The following GAPT variants were observed in gnomAD, a reference collection of about 807,000 sequenced individuals.
The protein encoded by GAPT is GRB2 binding adaptor protein, transmembrane.
For missense variants in GAPT, 206 were observed against 189.2 expected (o/e 1.09, Z -0.52); for synonymous variants, 82 against 69.7 (o/e 1.18, Z -0.88).
Position 58,494,580 on chromosome 5 carries a change from G to A in GAPT, c.44G>A (p.Gly15Glu), listed in dbSNP as rs749970028. 6.2e-5 allele frequency: 100 copies of A among 1,612,866 alleles called. No homozygotes were observed. Among genetic ancestry groups the A allele is most frequent in the Non-Finnish European group, 8.2e-5 (97 of 1,179,448 alleles). ...AATAATTTAGCGGCCATTTCTGTAG[G>A]AATTTCGCTTCTTTTACTCTTAGTG... is the stretch of plus-strand genomic sequence containing the variant. ...CGNNLAAISV[G>E]ISLLLLLVVC... The change falls in exon 3 of 3, where the codon GGA (glycine) becomes GAA (glutamate). Residue 15 changes from glycine to glutamate, a missense_variant. Physicochemically the swap from Gly to Glu is moderately conservative, Grantham distance 98. Transcript: ENST00000502276.
chr5:58,496,202 C>G lies in GAPT; in HGVS notation c.*1192C>G, dbSNP rs944769996. ...ATTACCTAGCTTCATATGAAAATGT[C>G]TTAAATTCCCACCTAAATGAAAAGA... On this transcript the variant is annotated 3_prime_UTR_variant, in exon 3 of 3. Coordinates refer to ENST00000502276, the MANE Select transcript of GAPT (RefSeq NM_001304431.2). The G allele has an allele frequency of 4.3e-5, 7 of 164,064 alleles. No individual in the cohort carries two copies. Among genetic ancestry groups the G allele is most frequent in the African/African-American group, 1.7e-4 (7 of 41,426 alleles). 10.2% of individuals were successfully genotyped at this position (164,064 alleles called of 1,614,324 possible). A position where few individuals can be genotyped will look rare whatever the true frequency, so the allele number is the denominator to read the frequency against.
In GAPT at chr5:58,494,469, A is replaced by T; in HGVS notation, c.-68A>T. 1 of 1,298,478 alleles carries T rather than the reference A, an allele frequency of 7.7e-7. No homozygotes were observed. The highest frequency in any genetic ancestry group is 1.5e-5 in the African/African-American group (1 of 67,372). The allele number at this position is 1,298,478 out of a possible 1,614,324, so 80.4% of individuals were successfully genotyped here. ...ACTCATTTTTGAATAATACTAGGCT[A>T]CAAAGAATTACACTGTGAATTCATT... On this transcript the variant is annotated 5_prime_UTR_variant, in exon 3 of 3. Coordinates refer to ENST00000502276, the MANE Select transcript of GAPT (RefSeq NM_001304431.2).
At position 58,494,935 on chromosome 5, in the gene GAPT, T is replaced by G. The variant is rs1744399695; in HGVS notation, c.399T>G (p.Tyr133Ter). 4.3e-6 allele frequency: 7 copies of G among 1,613,964 alleles called. No homozygotes were observed. The highest frequency in any genetic ancestry group is 5.1e-6 in the Non-Finnish European group (6 of 1,179,870). Residue 133 changes from tyrosine (Y) to a stop codon, truncating the protein, a stop_gained, in exon 3 of 3, where the codon TAT becomes TAG. Transcript: ENST00000502276. LOFTEE classifies it high-confidence loss of function. ...HIYGNETSSDYYNFQKPRPSE... is the reference protein window; with the variant it reads ...HIYGNETSSD Reference sequence around the variant, plus strand: ...ATGGAAATGAGACATCTTCTGACTATTATAACTTCCAGAAGCCTCGTCCTT... The same window carrying G: ...ATGGAAATGAGACATCTTCTGACTAGTATAACTTCCAGAAGCCTCGTCCTT...
chr5:58,494,985 T>C lies in GAPT; in HGVS notation c.449T>C (p.Ile150Thr), dbSNP rs113958678. 20 of 1,601,834 alleles carry C rather than the reference T, an allele frequency of 1.2e-5. No individual in the cohort carries two copies. The highest frequency in any genetic ancestry group is 4.4e-5 in the South Asian group (4 of 90,496). The stretch of plus-strand genomic sequence containing the variant: ...TCTGAAGTTCCTCAAGATGAAGATA[T>C]ATACATTCTTCCAGATTCATATTAG... ...RPSEVPQDED[I>T]YILPDSY The change falls in exon 3 of 3, where the codon ATA becomes ACA. Residue 150 changes from isoleucine (I) to threonine (T), a missense_variant. Physicochemically the swap from Ile to Thr is moderately conservative, Grantham distance 89. Transcript: ENST00000502276.
At chr5:58,493,621 G>A (rs1021187527) in intron 1 of GAPT, 90 bp from the exon 2 acceptor site, 3 of 152,086 alleles carry the variant, frequency 2.0e-5, no homozygotes, top group African/African-American at 7.2e-5. Flanking sequence ...TGTGCTAGGT[G>A]TTGTGCCATT....
rs577535018 is a variant in GAPT at position 58,495,143 on chromosome 5, T to C, written c.*133T>C. 1.6e-6 allele frequency: 1 copy of C among 608,986 alleles called. No homozygotes were observed. Among genetic ancestry groups the C allele is most frequent in the Non-Finnish European group, 2.9e-6 (1 of 350,260 alleles). 37.7% of individuals were successfully genotyped at this position (608,986 alleles called of 1,614,324 possible). On this transcript the variant is annotated 3_prime_UTR_variant, in exon 3 of 3. Coordinates refer to ENST00000502276, the MANE Select transcript of GAPT (RefSeq NM_001304431.2). ...AAGAAAATGTGGTACACATACACCA[T>C]AGAATATTATGCAGCCGTAAAAAAA...
rs538632921 is a variant in GAPT at position 58,495,661 on chromosome 5, A to T, written c.*651A>T. On this transcript the variant is annotated 3_prime_UTR_variant, in exon 3 of 3. Transcript: ENST00000502276. ...TTCTTCCTTCTAAATATTACCCGTT[A>T]TCTCTTTCCTTTATTTCTACCATTA... 6.8e-5 allele frequency: 11 copies of T among 162,196 alleles called. No individual in the cohort carries two copies. The highest frequency in any genetic ancestry group is 1.5e-4 in the Non-Finnish European group (10 of 68,092). The allele number at this position is 162,196 out of a possible 1,614,324, so 10.0% of individuals were successfully genotyped here.
Position 58,491,478 on chromosome 5 carries a change from C to G in GAPT, c.-482C>G, listed in dbSNP as rs1242975946. Reference sequence around the variant, plus strand: ...AGTGAAAAAGAGGAACAAGTTCTAACCCAATGCAGGTTTAAAACATAACCA... The same window carrying G: ...AGTGAAAAAGAGGAACAAGTTCTAAGCCAATGCAGGTTTAAAACATAACCA... On this transcript the variant is annotated 5_prime_UTR_variant, in exon 1 of 3. Coordinates refer to ENST00000502276, the MANE Select transcript of GAPT (RefSeq NM_001304431.2). The G allele has an allele frequency of 6.6e-6, 1 of 152,116 alleles. No homozygotes were observed. Among genetic ancestry groups the G allele is most frequent in the Non-Finnish European group, 1.5e-5 (1 of 68,018 alleles). 9.4% of individuals were successfully genotyped at this position (152,116 alleles called of 1,614,324 possible).
rs1744420252 is a variant in GAPT, at chr5:58,495,384, C to T, written c.*374C>T. The stretch of plus-strand genomic sequence containing the variant: ...ATGATGAAATAATCTGTACACCAAA[C>T]CCCCAAGTCACAAGTGTTCCTACAT... On this transcript the variant is annotated 3_prime_UTR_variant, in exon 3 of 3. Transcript: ENST00000502276. 6.0e-6 allele frequency: 1 copy of T among 166,522 alleles called. No homozygotes were observed. Among genetic ancestry groups the T allele is most frequent in the Non-Finnish European group, 1.3e-5 (1 of 75,448 alleles). The allele number at this position is 166,522 out of a possible 1,614,324, so 10.3% of individuals were successfully genotyped here. A position where few individuals can be genotyped will look rare whatever the true frequency, so the allele number is the denominator to read the frequency against.
Position 58,495,314 on chromosome 5 carries a change from G to A in GAPT, c.*304G>A. Reference sequence around the variant, plus strand: ...AGGGAGGACAGTGGAAGGAGGGAGAGGTTCAGGGAAAAAAAAAATATCAGG... The same window carrying A: ...AGGGAGGACAGTGGAAGGAGGGAGAAGTTCAGGGAAAAAAAAAATATCAGG... On this transcript the variant is annotated 3_prime_UTR_variant, in exon 3 of 3. Transcript: ENST00000502276. 3 of 280,142 alleles carry A rather than the reference G, an allele frequency of 1.1e-5. No individual in the cohort carries two copies. The highest frequency in any genetic ancestry group is 5.9e-5 in the South Asian group (1 of 16,844). The allele number at this position is 280,142 out of a possible 1,614,324, so 17.4% of individuals were successfully genotyped here. A position where few individuals can be genotyped will look rare whatever the true frequency, so the allele number is the denominator to read the frequency against.
At chr5:58,492,620 A>G (rs891013469) in intron 1 of GAPT, among the ~76,000 whole-genome samples, 8 of 152,160 alleles carry the variant, frequency 5.3e-5, no homozygotes, top group Non-Finnish European at 1.0e-4. Context: ...AAAATTGTAT[A>G]AATTAGCTGC....
Position 58,494,588 on chromosome 5 carries a change from C to T in GAPT, c.52C>T (p.Leu18Phe), listed in dbSNP as rs917985348. The change falls in exon 3 of 3, where the codon CTT becomes TTT. Residue 18 changes from leucine to phenylalanine, a missense_variant. Leu to Phe is a conservative substitution (Grantham distance 22). Coordinates refer to ENST00000502276, the MANE Select transcript of GAPT (RefSeq NM_001304431.2). Reference protein sequence around the residue: ...NLAAISVGISLLLLLVVCGIG... With the variant: ...NLAAISVGISFLLLLVVCGIG... ...AGCGGCCATTTCTGTAGGAATTTCG[C>T]TTCTTTTACTCTTAGTGGTTTGTGG... 6.2e-7 allele frequency: 1 copy of T among 1,612,318 alleles called. No homozygotes were observed. Among genetic ancestry groups the T allele is most frequent in the Non-Finnish European group, 8.5e-7 (1 of 1,179,336 alleles).
intron 1 of GAPT, among the ~76,000 whole-genome samples, chr5:58,493,281 C>G (rs1243898731): frequency 2.6e-5 from 4 of 152,088 alleles, no homozygotes; most frequent in Non-Finnish European, 5.9e-5. Flanking sequence ...TGAAAATATA[C>G]AGTAATAATG....
chr5:58,494,810 A>T lies in GAPT; in HGVS notation c.274A>T (p.Asn92Tyr), dbSNP rs886633757. 8 of 1,613,946 alleles carry T rather than the reference A, an allele frequency of 5.0e-6. No individual in the cohort carries two copies. Among genetic ancestry groups the T allele is most frequent in the Non-Finnish European group, 5.9e-6 (7 of 1,180,002 alleles). Reference protein sequence around the residue: ...SAVRGNNTHDNYENVEAGPPK... With the variant: ...SAVRGNNTHDYYENVEAGPPK... ...TGTCAGGGGAAATAACACACACGAC[A>T]ACTATGAAAATGTGGAAGCAGGTCC... The change falls in exon 3 of 3, where the codon AAC (asparagine) becomes TAC (tyrosine). Residue 92 changes from asparagine (N) to tyrosine (Y), a missense_variant. Asn to Tyr is a moderately radical substitution (Grantham distance 143, BLOSUM62 -2). Coordinates refer to ENST00000502276, the MANE Select transcript of GAPT (RefSeq NM_001304431.2).
In GAPT at chr5:58,494,607, T is replaced by C; in HGVS notation, c.71T>C (p.Val24Ala). The C allele has an allele frequency of 6.2e-7, 1 of 1,613,946 alleles. No homozygotes were observed. Among genetic ancestry groups the C allele is most frequent in the Non-Finnish European group, 8.5e-7 (1 of 1,179,934 alleles). Reference protein sequence around the residue: ...VGISLLLLLVVCGIGCVWHWK... With the variant: ...VGISLLLLLVACGIGCVWHWK... ...ATTTCGCTTCTTTTACTCTTAGTGG[T>C]TTGTGGAATTGGGTGTGTTTGGCAC... The change falls in exon 3 of 3, where the codon GTT (valine) becomes GCT (alanine). Residue 24 changes from valine to alanine, a missense_variant. Physicochemically the swap from Val to Ala is moderately conservative, Grantham distance 64 (BLOSUM62 0). Coordinates refer to ENST00000502276, the MANE Select transcript of GAPT (RefSeq NM_001304431.2).
Position 58,494,651 on chromosome 5 carries a change from A to T in GAPT, c.115A>T (p.Thr39Ser). ...CVWHWKHRVA[T>S]RFTLPRFLQR... is the part of the protein sequence containing the mutation. ...TTGGCACTGGAAACACCGTGTTGCCACACGATTTACCTTACCGAGGTTTTT... is the reference window on the plus strand; with the variant it reads ...TTGGCACTGGAAACACCGTGTTGCCTCACGATTTACCTTACCGAGGTTTTT... The change falls in exon 3 of 3, where the codon ACA (threonine) becomes TCA (serine). Residue 39 changes from threonine to serine, a missense_variant. By Grantham distance (58) the Thr-to-Ser change is moderately conservative (BLOSUM62 1). Coordinates refer to ENST00000502276, the MANE Select transcript of GAPT (RefSeq NM_001304431.2). 6.2e-7 allele frequency: 1 copy of T among 1,614,038 alleles called. No individual in the cohort carries two copies. The highest frequency in any genetic ancestry group is 8.5e-7 in the Non-Finnish European group (1 of 1,179,960).
chr5:58,492,733 T>A (rs537670081), intron 1 of GAPT, among the ~76,000 whole-genome samples: 9 of 152,282 alleles, frequency 5.9e-5, no homozygotes, highest in Middle Eastern at 6.8e-3. Flanking sequence ...CCATTAAACT[T>A]TTCATGAAAA....
In GAPT at chr5:58,495,866, A is replaced by G. The variant is rs556552567; in HGVS notation, c.*856A>G. 5 of 167,002 alleles carry G rather than the reference A, an allele frequency of 3.0e-5. No individual in the cohort carries two copies. The highest frequency in any genetic ancestry group is 6.5e-5 in the Admixed American group (1 of 15,284). The allele number at this position is 167,002 out of a possible 1,614,324, so 10.3% of individuals were successfully genotyped here. On this transcript the variant is annotated 3_prime_UTR_variant, in exon 3 of 3. Coordinates refer to ENST00000502276, the MANE Select transcript of GAPT (RefSeq NM_001304431.2). Reference sequence around the variant, plus strand: ...ATGCCCCCTCTTTGCAAAAGACATAATACCCATAATTTGAACTCCAAAATT... The same window carrying G: ...ATGCCCCCTCTTTGCAAAAGACATAGTACCCATAATTTGAACTCCAAAATT...
chr5:58,494,608 T>TCGC lies in GAPT; in HGVS notation c.72_73insCGC (p.Val24_Cys25insArg). 6.2e-7 allele frequency: 1 copy of TCGC among 1,614,016 alleles called. No homozygotes were observed. Among genetic ancestry groups the TCGC allele is most frequent in the Non-Finnish European group, 8.5e-7 (1 of 1,179,946 alleles). On this transcript the variant is annotated inframe_insertion, in exon 3 of 3. Transcript: ENST00000502276. ...TTTCGCTTCTTTTACTCTTAGTGGT[T>TCGC]TGTGGAATTGGGTGTGTTTGGCACT...
Sources: gnomAD v4.1 joint callset for allele counts (sites outside exome capture counted in the v4.1 genomes callset) on GRCh38, gnomAD v4.1.1 for gene constraint, MANE v1.5 for transcripts, NCBI Gene and HGNC (gene_info 2026-07-23, HGNC 2026-07-21) for gene names.